NCAPG: variants seen among roughly 807,000 people sequenced by gnomAD.
NCAPG encodes the protein non-SMC condensin I complex subunit G.
Under a neutral mutation model 113.1 loss-of-function variants are expected in NCAPG, and 69 were observed. The observed-to-expected ratio is 0.61, with a 90% confidence interval of 0.50 to 0.75. NCAPG has a LOEUF of 0.75. NCAPG is among the 30% of genes least tolerant of loss of function. The pLI is 0.00. For synonymous variants in NCAPG, 370 were observed against 415.8 expected (o/e 0.89, Z 1.34); for missense variants, 1,058 against 1,177.0 (o/e 0.90, Z 1.48).
chr4:17,837,002 T>A (rs1270020375), intron 14 of NCAPG, among the ~76,000 whole-genome samples, 157 bp from the exon 15 acceptor site: 3 of 152,236 alleles, frequency 2.0e-5, no homozygotes, highest in African/African-American at 7.2e-5. Context: ...TTATTCTAGC[T>A]TTGAAGAAAC....
intron 12 of NCAPG, among the ~76,000 whole-genome samples, chr4:17,830,636 A>G (rs1560229157): frequency 6.7e-6 from 1 of 148,514 alleles, no homozygotes; most frequent in Non-Finnish European, 1.5e-5. Flanking sequence ...GACTTCTATT[A>G]TATTTCTGTT....
In NCAPG at chr4:17,843,590, TCAGTTATTATAGTC is replaced by T; in HGVS notation, c.*169_*182del. ...CCTGTATTAAAGCAGTAGAGCAGCATCAGTTATTATAGTCCAGAAAAAGTGTGCATCAGTCAGTC... is the reference window on the plus strand; with the variant it reads ...CCTGTATTAAAGCAGTAGAGCAGCATCAGAAAAAGTGTGCATCAGTCAGTC... On this transcript the variant is annotated 3_prime_UTR_variant, in exon 21 of 21. Coordinates refer to ENST00000251496, the MANE Select transcript of NCAPG (RefSeq NM_022346.5). 3.3e-6 allele frequency: 2 copies of T among 611,790 alleles called. No homozygotes were observed. Among genetic ancestry groups the T allele is most frequent in the Non-Finnish European group, 5.5e-6 (2 of 364,002 alleles). 37.9% of individuals were successfully genotyped at this position (611,790 alleles called of 1,614,324 possible).
intron 3 of NCAPG, among the ~76,000 whole-genome samples, chr4:17,813,963 T>C (rs1012656851): frequency 6.6e-6 from 1 of 152,176 alleles, no homozygotes; most frequent in African/African-American, 2.4e-5. Flanking sequence ...CATAATAATA[T>C]TGTGTAAAAC....
chr4:17,837,753 A>G lies in NCAPG; in HGVS notation c.2418A>G (p.Thr806=). The G allele has an allele frequency of 6.2e-7, 1 of 1,613,980 alleles. No homozygotes were observed. Among genetic ancestry groups the G allele is most frequent in the South Asian group, 1.1e-5 (1 of 91,084 alleles). The change falls in exon 16 of 21, where the codon ACA becomes ACG. Residue 806 remains threonine (T), a synonymous_variant. Transcript: ENST00000251496. ...TNVAELLVDL[T]RPSGLNPQAK... The stretch of plus-strand genomic sequence containing the variant: ...TTGCTGAGTTACTTGTAGATTTGAC[A>G]AGACCAAGTGGATTAAATCCTCAGG...
chr4:17,843,217 G>C, intron 20 of NCAPG, 85 bp from the exon 21 acceptor site: 1 of 1,426,858 alleles, frequency 7.0e-7, no homozygotes, highest in Non-Finnish European at 9.6e-7. Context: ...GATAGAATGT[G>C]AGTCAGAAAC....
At chr4:17,836,917 T>A (rs1277897112) in intron 14 of NCAPG, among the ~76,000 whole-genome samples, 1 of 152,210 alleles carries the variant, frequency 6.6e-6, no homozygotes, top group Non-Finnish European at 1.5e-5. Context: ...TAAAAAGTTT[T>A]AAGATAATTG....
intron 10 of NCAPG, 93 bp from the exon 11 acceptor site, chr4:17,825,289 C>T (rs1189827643): frequency 8.7e-7 from 1 of 1,146,696 alleles, no homozygotes; most frequent in Non-Finnish European, 1.2e-6. Flanking sequence ...AAATTCTGGG[C>T]AGTTGAGATA....
At position 17,825,552 on chromosome 4, in the gene NCAPG, C is replaced by G; in HGVS notation, c.1644C>G (p.His548Gln). 1 of 1,591,602 alleles carries G rather than the reference C, an allele frequency of 6.3e-7. No individual in the cohort carries two copies. The highest frequency in any genetic ancestry group is 8.5e-7 in the Non-Finnish European group (1 of 1,174,132). ...AGCAACTTGAAATTAAAGAAGTCCA[C>G]ATAGAGAAGGTACAGGTAACTTTTT... ...ETEQLEIKEV[H>Q]IEKNDAETLQ... is the part of the protein sequence containing the mutation. The change falls in exon 11 of 21, where the codon CAC (histidine) becomes CAG (glutamine). Residue 548 changes from histidine to glutamine, a missense_variant. His to Gln is a conservative substitution (Grantham distance 24). Coordinates refer to ENST00000251496, the MANE Select transcript of NCAPG (RefSeq NM_022346.5).
rs1720896489 is a variant in NCAPG, at chr4:17,811,033, G to A, written c.-45G>A. 1 of 1,294,154 alleles carries A rather than the reference G, an allele frequency of 7.7e-7. No individual in the cohort carries two copies. Among genetic ancestry groups the A allele is most frequent in the South Asian group, 1.5e-5 (1 of 67,312 alleles). The allele number at this position is 1,294,154 out of a possible 1,614,324, so 80.2% of individuals were successfully genotyped here. A position where few individuals can be genotyped will look rare whatever the true frequency, so the allele number is the denominator to read the frequency against. On this transcript the variant is annotated 5_prime_UTR_variant, in exon 1 of 21. Transcript: ENST00000251496. This position sits in a 1 kb window ranked among gnomAD's most constrained non-coding sequence, Gnocchi z 5.3. ...CTCTGGGTTGGCGGGCTGGCAGGCT[G>A]TAGCCGAGCGCGGGCAGGACTCGTC...
In NCAPG at chr4:17,813,005, TTGA is replaced by T. The variant is rs767111379; in HGVS notation, c.413_415del (p.Asp138del). On this transcript the variant is annotated inframe_deletion, in exon 3 of 21. Coordinates refer to ENST00000251496, the MANE Select transcript of NCAPG (RefSeq NM_022346.5). ...GGAAGTATGCCAGAAAATGCTCAGA[TTGA>T]TGATGATGTGTTTGATAAAATTAAT... 1.9e-6 allele frequency: 3 copies of T among 1,613,996 alleles called. No individual in the cohort carries two copies. In the East Asian group the frequency reaches 6.7e-5, roughly 36 times the overall value.
chr4:17,813,248 A>T, intron 3 of NCAPG, 103 bp downstream of exon 3: 1 of 898,840 alleles, frequency 1.1e-6, no homozygotes, highest in Non-Finnish European at 1.6e-6. Flanking sequence ...GAGTATAGGT[A>T]ATTAATATAT....
At chr4:17,814,142 C>T (rs190444673) in intron 3 of NCAPG, among the ~76,000 whole-genome samples, 18 of 152,232 alleles carry the variant, frequency 1.2e-4, no homozygotes, top group Non-Finnish European at 2.2e-4. Flanking sequence ...CTTATAAAGC[C>T]ATATCAGTTT....
intron 12 of NCAPG, among the ~76,000 whole-genome samples, chr4:17,829,168 A>G (rs1163729070): frequency 6.6e-6 from 1 of 152,178 alleles, no homozygotes; most frequent in Non-Finnish European, 1.5e-5. Flanking sequence ...TAATGGCTAC[A>G]GTATTAGTGC....
Position 17,812,861 on chromosome 4 carries a change from G to T in NCAPG, c.316-56G>T, listed in dbSNP as rs1208261576. 5 of 1,384,710 alleles carry T rather than the reference G, an allele frequency of 3.6e-6. No individual in the cohort carries two copies. In the African/African-American group the frequency reaches 4.3e-5, roughly 12 times the overall value. 85.8% of individuals were successfully genotyped at this position (1,384,710 alleles called of 1,614,324 possible). The stretch of plus-strand genomic sequence containing the variant: ...GAATGTATAGAGTTCAGATAATATT[G>T]ATTATTTGGGAGTGGTATGTGACTA... On this transcript the variant is annotated intron_variant, in intron 2 of 20. Transcript: ENST00000251496.
chr4:17,843,223 G>C, intron 20 of NCAPG, 79 bp from the exon 21 acceptor site: 2 of 1,485,102 alleles, frequency 1.3e-6, no homozygotes, highest in Non-Finnish European at 1.8e-6. Flanking sequence ...ATGTGAGTCA[G>C]AAACAAAAAA....
At chr4:17,815,224 T>A (rs769380659) in intron 4 of NCAPG, 50 bp from the exon 5 acceptor site, 3 of 1,473,068 alleles carry the variant, frequency 2.0e-6, no homozygotes, top group South Asian at 2.4e-5. Context: ...TCTTATGAAA[T>A]CTATAAATTG....
At chr4:17,817,805 A>T in intron 6 of NCAPG, 134 bp from the exon 7 acceptor site, 1 of 855,226 alleles carries the variant, frequency 1.2e-6, no homozygotes, top group East Asian at 3.0e-5. Flanking sequence ...TTTTGTGTGG[A>T]TACATTAATG....
chr4:17,812,823 C>A, intron 2 of NCAPG, 94 bp from the exon 3 acceptor site: 3 of 1,053,728 alleles, frequency 2.8e-6, no homozygotes, highest in South Asian at 1.5e-5. Flanking sequence ...GTTGTTGTAA[C>A]TTCTTGCATT....
intron 19 of NCAPG, 59 bp from the exon 20 acceptor site, chr4:17,842,251 G>T (rs1353455940): frequency 6.9e-7 from 1 of 1,456,408 alleles, no homozygotes; most frequent in African/African-American, 1.4e-5. Context: ...CTAGAAACTA[G>T]ATTAAAAACA....
Sources: allele counts gnomAD v4.1 joint callset (sites outside exome capture counted in the v4.1 genomes callset), GRCh38; gene constraint gnomAD v4.1.1; non-coding constraint Gnocchi (gnomAD v3.1); transcripts MANE v1.5; gene names NCBI Gene and HGNC (gene_info 2026-07-23, HGNC 2026-07-21).